XPNPEP3: variants seen among roughly 807,000 people sequenced by gnomAD.
The protein encoded by XPNPEP3 is xaa-Pro aminopeptidase 3.
A neutral mutation model predicts 60.0 loss-of-function variants in XPNPEP3; 41 were observed. That is an observed-to-expected ratio of 0.68 (90% CI 0.53 to 0.89). XPNPEP3 has a LOEUF of 0.89. XPNPEP3 is among the 40% of genes least tolerant of loss of function. The pLI is 0.00. For synonymous variants in XPNPEP3, 212 were observed against 223.2 expected (o/e 0.95, Z 0.45); for missense variants, 598 against 638.9 (o/e 0.94, Z 0.69).
chr22:40,857,338 C>A, intron 1 of XPNPEP3, 93 bp downstream of exon 1: 1 of 1,382,184 alleles, frequency 7.2e-7, no homozygotes, highest in Non-Finnish European at 1.0e-6. Context: ...GACCCTTCTC[C>A]TGGTGGGGCC....
chr22:40,869,014 C>G lies in XPNPEP3; in HGVS notation c.80C>G (p.Ser27Ter). Residue 27 changes from serine to a stop codon, truncating the protein, a stop_gained, in exon 2 of 10, where the codon TCA becomes TGA. Coordinates refer to ENST00000357137, the MANE Select transcript of XPNPEP3 (RefSeq NM_022098.4). LOFTEE classifies it high-confidence loss of function. ...VRGLSGCMLCSQRRYSLQPVP... is the reference protein window; with the variant it reads ...VRGLSGCMLC ...CTTCATTCAGGATGTATGTTGTGTT[C>G]ACAGCGAAGGTACTCCCTTCAGCCT... The G allele has an allele frequency of 6.2e-7, 1 of 1,613,796 alleles. No individual in the cohort carries two copies. The highest frequency in any genetic ancestry group is 8.5e-7 in the Non-Finnish European group (1 of 1,179,792).
chr22:40,899,623 A>G (rs959481978), intron 4 of XPNPEP3, among the ~76,000 whole-genome samples: 4 of 152,040 alleles, frequency 2.6e-5, no homozygotes, highest in African/African-American at 9.7e-5. Flanking sequence ...AGATAAGACC[A>G]TCCTGGCCAA....
rs2058258130 is a variant in XPNPEP3 at position 40,932,457 on chromosome 22, C to T, written c.*6022C>T. ...CTCCTAATGAAAAGATGAATGAATG[C>T]ATCATTAAACCTTAACAGTAGAGCA... On this transcript the variant is annotated 3_prime_UTR_variant, in exon 10 of 10. Transcript: ENST00000357137. 6.6e-6 allele frequency: 1 copy of T among 151,760 alleles called. No individual in the cohort carries two copies. The highest frequency in any genetic ancestry group is 1.5e-5 in the Non-Finnish European group (1 of 68,008). 9.4% of individuals were successfully genotyped at this position (151,760 alleles called of 1,614,324 possible).
intron 4 of XPNPEP3, among the ~76,000 whole-genome samples, chr22:40,886,756 G>A (rs992717598): frequency 1.3e-5 from 2 of 150,952 alleles, no homozygotes; most frequent in African/African-American, 2.4e-5. Context: ...GAACCCGGGA[G>A]GCAGAGCTTG....
At chr22:40,914,107 A>C in intron 6 of XPNPEP3, 132 bp from the exon 7 acceptor site, 3 of 740,200 alleles carry the variant, frequency 4.1e-6, no homozygotes, top group Non-Finnish European at 7.1e-6. Flanking sequence ...ACACCATTGC[A>C]CTCCAACCTG....
intron 4 of XPNPEP3, among the ~76,000 whole-genome samples, chr22:40,892,941 C>A (rs1359324369): frequency 6.6e-6 from 1 of 151,832 alleles, no homozygotes; most frequent in African/African-American, 2.4e-5. Flanking sequence ...CATATTATAA[C>A]AGATGGAACA....
At chr22:40,857,899 G>A (rs910362609) in intron 1 of XPNPEP3, among the ~76,000 whole-genome samples, 1 of 152,156 alleles carries the variant, frequency 6.6e-6, no homozygotes, top group Non-Finnish European at 1.5e-5. Flanking sequence ...GAACCAGAAC[G>A]TATGGTATTT....
intron 5 of XPNPEP3, among the ~76,000 whole-genome samples, 194 bp from the exon 6 acceptor site, chr22:40,908,928 T>TA (rs1320860959): frequency 2.0e-5 from 3 of 152,178 alleles, no homozygotes; most frequent in Non-Finnish European, 4.4e-5. Flanking sequence ...CTTACATAGA[T>TA]TATAGTACAC....
rs1894658 is a variant in XPNPEP3 at position 40,869,045 on chromosome 22, A to G, written c.111A>G (p.Pro37=). The part of the protein sequence containing the change: ...SQRRYSLQPV[P]ERRIPNRYLG... ...GAAGGTACTCCCTTCAGCCTGTCCC[A>G]GAAAGGAGGATTCCAAACCGATACT... The change falls in exon 2 of 10, where the codon CCA becomes CCG. Residue 37 remains proline (P), a synonymous_variant. Coordinates refer to ENST00000357137, the MANE Select transcript of XPNPEP3 (RefSeq NM_022098.4). 4,795 of 1,614,120 alleles carry G rather than the reference A, an allele frequency of 3.0e-3. 124 individuals carry two copies. In the African/African-American group the frequency reaches 0.056, roughly 19 times the overall value.
At chr22:40,902,037 T>A (rs1390423374) in intron 4 of XPNPEP3, among the ~76,000 whole-genome samples, 1 of 151,998 alleles carries the variant, frequency 6.6e-6, no homozygotes, top group Non-Finnish European at 1.5e-5. Context: ...CAAGAATGAA[T>A]TAGGTGTCTT....
At chr22:40,865,843 T>C (rs988184895) in intron 1 of XPNPEP3, among the ~76,000 whole-genome samples, 1 of 152,180 alleles carries the variant, frequency 6.6e-6, no homozygotes, top group African/African-American at 2.4e-5. Context: ...CACTAAATAC[T>C]GTACTCTTCT....
At position 40,927,591 on chromosome 22, in the gene XPNPEP3, C is replaced by A. The variant is rs2058238697; in HGVS notation, c.*1156C>A. On this transcript the variant is annotated 3_prime_UTR_variant, in exon 10 of 10. Coordinates refer to ENST00000357137, the MANE Select transcript of XPNPEP3 (RefSeq NM_022098.4). ...TAAAAAGAAAAGAAAAAAATGATTT[C>A]TGGCCGGGCGTGGTGGCTCAAGCCT... 1 of 151,982 alleles carries A rather than the reference C, an allele frequency of 6.6e-6. No individual in the cohort carries two copies. Among genetic ancestry groups the A allele is most frequent in the African/African-American group, 2.4e-5 (1 of 41,408 alleles). The allele number at this position is 151,982 out of a possible 1,614,324, so 9.4% of individuals were successfully genotyped here.
chr22:40,869,028 TC>T lies in XPNPEP3; in HGVS notation c.97del (p.Leu33PhefsTer14), dbSNP rs2057992853. 1.9e-6 allele frequency: 3 copies of T among 1,614,132 alleles called. No individual in the cohort carries two copies. Among genetic ancestry groups the T allele is most frequent in the African/African-American group, 2.7e-5 (2 of 75,046 alleles). ...GCMLCSQRRY[S>X]LQPVPERRIP... ...TATGTTGTGTTCACAGCGAAGGTAC[TC>T]CCTTCAGCCTGTCCCAGAAAGGAGG... On this transcript the variant is annotated frameshift_variant, in exon 2 of 10. Coordinates refer to ENST00000357137, the MANE Select transcript of XPNPEP3 (RefSeq NM_022098.4). LOFTEE classifies it high-confidence loss of function.
intron 7 of XPNPEP3, among the ~76,000 whole-genome samples, chr22:40,920,491 T>A (rs568440442): frequency 2.0e-5 from 3 of 152,326 alleles, no homozygotes; most frequent in African/African-American, 7.2e-5. Context: ...AGGGTTTATA[T>A]TATAGTCTTG....
intron 1 of XPNPEP3, chr22:40,861,701 T>C (rs1307111621): frequency 6.2e-7 from 1 of 1,614,026 alleles, no homozygotes; most frequent in East Asian, 2.2e-5. Context: ...GAAAAATTTC[T>C]TTAAAAACAT....
At chr22:40,857,675 G>C (rs987336009) in intron 1 of XPNPEP3, among the ~76,000 whole-genome samples, 2 of 152,218 alleles carry the variant, frequency 1.3e-5, no homozygotes, top group Admixed American at 6.5e-5. Flanking sequence ...TAACTGTTTC[G>C]AAATACTTCT....
intron 4 of XPNPEP3, among the ~76,000 whole-genome samples, chr22:40,898,224 C>CTTTTTTTTTTTTTTTTT (rs1405343173): frequency 1.4e-5 from 1 of 70,228 alleles, no homozygotes; most frequent in East Asian, 4.9e-4. Context: ...GTCTTTGACC[C>CTTTTTTTTTTTTTTTTT]ATTTTTTTTT....
chr22:40,857,926 C>A (rs189999968), intron 1 of XPNPEP3, among the ~76,000 whole-genome samples: 1 of 152,154 alleles, frequency 6.6e-6, no homozygotes, highest in Admixed American at 6.5e-5. Context: ...AAAGCTATGT[C>A]TTGGCATATG....
chr22:40,905,506 C>CTGGTGG (rs2058151344), intron 4 of XPNPEP3, among the ~76,000 whole-genome samples: 2 of 152,270 alleles, frequency 1.3e-5, no homozygotes, highest in South Asian at 4.1e-4. Flanking sequence ...TCACTCTTCA[C>CTGGTGG]AGTTACATTC....
Sources: allele counts gnomAD v4.1 joint callset (sites outside exome capture counted in the v4.1 genomes callset), GRCh38; gene constraint gnomAD v4.1.1; transcripts MANE v1.5; gene names NCBI Gene and HGNC (gene_info 2026-07-23, HGNC 2026-07-21).